CCDC192: variants seen among roughly 807,000 people sequenced by gnomAD.
CCDC192 encodes the protein coiled-coil domain-containing protein 192.
At chr5:127,715,082 C>T (rs1751552818) in intron 2 of CCDC192, among the ~76,000 whole-genome samples, 1 of 151,842 alleles carries the variant, frequency 6.6e-6, no homozygotes, top group Non-Finnish European at 1.5e-5. Flanking sequence ...GTTGTTTCTT[C>T]ACTATATTGA....
chr5:127,881,275 G>A (rs1364227818), intron 6 of CCDC192, among the ~76,000 whole-genome samples: 1 of 152,032 alleles, frequency 6.6e-6, no homozygotes, highest in African/African-American at 2.4e-5. Context: ...TGGCAAGAAG[G>A]GGAAAAAAGT....
intron 5 of CCDC192, among the ~76,000 whole-genome samples, chr5:127,828,434 C>T (rs376247948): frequency 6.6e-6 from 1 of 152,206 alleles, no homozygotes; most frequent in Non-Finnish European, 1.5e-5. Context: ...GTAGTATGAT[C>T]TTTGTTTGCC....
intron 2 of CCDC192, among the ~76,000 whole-genome samples, chr5:127,739,273 G>C (rs1163539695): frequency 6.6e-6 from 1 of 152,202 alleles, no homozygotes; most frequent in African/African-American, 2.4e-5. Flanking sequence ...CACTTGAGGA[G>C]GCAGTCTGCC....
At chr5:127,777,330 A>T (rs1459883376) in intron 3 of CCDC192, among the ~76,000 whole-genome samples, 6 of 152,220 alleles carry the variant, frequency 3.9e-5, no homozygotes, top group Admixed American at 3.9e-4. Flanking sequence ...TGGGACTTTT[A>T]GCCCTTCTGG....
At chr5:127,746,498 T>C (rs1269590315) in intron 2 of CCDC192, among the ~76,000 whole-genome samples, 1 of 152,124 alleles carries the variant, frequency 6.6e-6, no homozygotes, top group Non-Finnish European at 1.5e-5. Context: ...AGATCAGAGA[T>C]TCTCAATCTT....
chr5:127,939,628 C>T (rs567402362), intron 6 of CCDC192, among the ~76,000 whole-genome samples: 2 of 152,092 alleles, frequency 1.3e-5, no homozygotes, highest in South Asian at 2.1e-4. Flanking sequence ...CCCCTTGATC[C>T]CTTGGGAATG....
At chr5:127,719,829 A>AGGT (rs1554068203) in intron 2 of CCDC192, among the ~76,000 whole-genome samples, 2 of 94,412 alleles carry the variant, frequency 2.1e-5, no homozygotes, top group Non-Finnish European at 4.1e-5. Context: ...GATCAGAGGA[A>AGGT]GGGGCGGGGG....
At chr5:127,752,403 G>A (rs1410243006) in intron 2 of CCDC192, among the ~76,000 whole-genome samples, 7 of 152,268 alleles carry the variant, frequency 4.6e-5, no homozygotes, top group African/African-American at 1.4e-4. Flanking sequence ...CTGCTGGAGG[G>A]TGCCTCCCAG....
intron 2 of CCDC192, among the ~76,000 whole-genome samples, chr5:127,743,038 AT>A (rs887918988): frequency 6.6e-6 from 1 of 151,822 alleles, no homozygotes; most frequent in African/African-American, 2.4e-5. Context: ...CTCGCTGGAC[AT>A]TTATTTGGGT....
intron 4 of CCDC192, among the ~76,000 whole-genome samples, chr5:127,797,514 C>T (rs1317058246): frequency 6.6e-6 from 1 of 151,510 alleles, no homozygotes; most frequent in African/African-American, 2.4e-5. Flanking sequence ...ATTGACTGTA[C>T]AAATGTCTCT....
chr5:127,718,068 A>C (rs1254759586), intron 2 of CCDC192, among the ~76,000 whole-genome samples: 1 of 152,212 alleles, frequency 6.6e-6, no homozygotes, highest in African/African-American at 2.4e-5. Context: ...GCCATAAAAA[A>C]GATCTTAGTG....
intron 3 of CCDC192, among the ~76,000 whole-genome samples, chr5:127,758,313 A>G (rs944027458): frequency 6.6e-6 from 1 of 152,176 alleles, no homozygotes; most frequent in Non-Finnish European, 1.5e-5. Context: ...GCCAACAAAT[A>G]AGAAGGTTGT....
At chr5:127,828,428 T>A (rs1357992707) in intron 5 of CCDC192, among the ~76,000 whole-genome samples, 1 of 152,222 alleles carries the variant, frequency 6.6e-6, no homozygotes, top group Non-Finnish European at 1.5e-5. Context: ...TTAGAAGTAG[T>A]ATGATCTTTG....
intron 6 of CCDC192, among the ~76,000 whole-genome samples, chr5:127,926,578 A>G (rs1164576731): frequency 6.6e-6 from 1 of 152,224 alleles, no homozygotes; most frequent in Non-Finnish European, 1.5e-5. Context: ...CTAAATCAAC[A>G]GAACTTTGTG....
Position 127,846,630 on chromosome 5 carries a change from C to T in CCDC192, c.412-28908C>T, listed in dbSNP as rs181191491. ...GATTACAGGCGCTCACCACCACGCC[C>T]GGTTAATTTTTGTATTTCTAGTAGA... On this transcript the variant is annotated intron_variant, in intron 5 of 6. Transcript: ENST00000514853. 2.1e-3 allele frequency among the ~76,000 whole-genome samples: 322 copies of T among 151,796 alleles called. 1 individual carries two copies. The highest frequency in any genetic ancestry group is 6.8e-3 in the African/African-American group (280 of 41,392).
intron 5 of CCDC192, among the ~76,000 whole-genome samples, chr5:127,802,719 G>C (rs1201372296): frequency 6.6e-6 from 1 of 152,188 alleles, no homozygotes; most frequent in African/African-American, 2.4e-5. Context: ...CAAGTTCCTG[G>C]AGGAAGTATG....
intron 3 of CCDC192, among the ~76,000 whole-genome samples, chr5:127,766,639 G>A (rs1031191444): frequency 6.1e-5 from 8 of 132,166 alleles, no homozygotes; most frequent in East Asian, 2.5e-4. Context: ...AAAAAAGTAC[G>A]AACTCTAAAG....
intron 5 of CCDC192, among the ~76,000 whole-genome samples, chr5:127,816,368 C>T (rs1366915598): frequency 6.6e-6 from 1 of 152,124 alleles, no homozygotes; most frequent in Non-Finnish European, 1.5e-5. Flanking sequence ...TTGGGATAAG[C>T]TTGTACTTAG....
At chr5:127,905,181 CTT>C (rs1187876951) in intron 6 of CCDC192, among the ~76,000 whole-genome samples, 2 of 152,160 alleles carry the variant, frequency 1.3e-5, no homozygotes, top group Non-Finnish European at 2.9e-5. Flanking sequence ...TGTAGACTAA[CTT>C]AGTCTATCCT....
Sources: allele counts gnomAD v4.1 joint callset (sites outside exome capture counted in the v4.1 genomes callset), GRCh38; gene constraint gnomAD v4.1.1; transcripts MANE v1.5; gene names NCBI Gene and HGNC (gene_info 2026-07-23, HGNC 2026-07-21).